OSBPL9: variants seen among roughly 807,000 people sequenced by gnomAD.
The protein encoded by OSBPL9 is oxysterol-binding protein-related protein 9.
In OSBPL9, 40 loss-of-function variants were observed where a neutral mutation model predicts 106.6. The observed-to-expected ratio is 0.38, with a 90% CI of 0.29 to 0.49. The LOEUF (loss-of-function observed/expected upper bound fraction) is 0.49, where lower values mean the gene tolerates loss of function less well. Ranked by LOEUF, OSBPL9 falls within the 20% of genes least tolerant of loss-of-function variation. OSBPL9 has a pLI of 0.97. For missense variants in OSBPL9, 609 were observed against 887.2 expected (o/e 0.69, Z 3.98); for synonymous variants, 269 against 295.4 (o/e 0.91, Z 0.92).
At chr1:51,713,363 T>C (rs1244528370) in intron 3 of OSBPL9, among the ~76,000 whole-genome samples, 1 of 152,122 alleles carries the variant, frequency 6.6e-6, no homozygotes, top group Non-Finnish European at 1.5e-5. Flanking sequence ...TTGGCCAGGC[T>C]GGTCTTGAAC....
chr1:51,675,029 G>T (rs1461196669), intron 3 of OSBPL9, among the ~76,000 whole-genome samples: 1 of 152,226 alleles, frequency 6.6e-6, no homozygotes, highest in Non-Finnish European at 1.5e-5. Context: ...AAGCTTGCAG[G>T]TTTATAGCCT....
intron 21 of OSBPL9, chr1:51,786,209 T>C (rs1243635731): frequency 4.5e-6 from 2 of 443,450 alleles, no homozygotes; most frequent in Non-Finnish European, 8.0e-6. Flanking sequence ...TGGCGTATGT[T>C]TATAAAATGA....
chr1:51,535,483 A>C, the OSBPL9 span, among the ~76,000 whole-genome samples: 1 of 152,112 alleles, frequency 6.6e-6, no homozygotes. Context: ...TCCCATTCAC[A>C]GTGAAATTTT....
the OSBPL9 span, among the ~76,000 whole-genome samples, chr1:51,547,188 C>G: frequency 3.1e-4 from 47 of 152,268 alleles, no homozygotes; most frequent in African/African-American, 1.1e-3. Context: ...CATAGGGGTT[C>G]TGCATTAAAA....
chr1:51,781,095 G>T, intron 15 of OSBPL9, 69 bp from the exon 16 acceptor site: 1 of 1,484,044 alleles, frequency 6.7e-7, no homozygotes, highest in Non-Finnish European at 9.3e-7. Flanking sequence ...GGACCATGCT[G>T]GGGGTTGTTG....
chr1:51,598,667 G>A (rs1454683621), intron 2 of OSBPL9, among the ~76,000 whole-genome samples: 1 of 152,194 alleles, frequency 6.6e-6, no homozygotes. Flanking sequence ...GGGAATGGCT[G>A]CTCTAGGCAC....
At chr1:51,724,486 A>G (rs1417937513) in intron 4 of OSBPL9, among the ~76,000 whole-genome samples, 4 of 151,806 alleles carry the variant, frequency 2.6e-5, no homozygotes, top group Non-Finnish European at 5.9e-5. Context: ...GGGTTCCACC[A>G]TGTTGGCCAG....
intron 22 of OSBPL9, 32 bp downstream of exon 22, chr1:51,786,649 T>G: frequency 6.4e-7 from 1 of 1,568,040 alleles, no homozygotes; most frequent in African/African-American, 1.4e-5. Flanking sequence ...GAACTATTGC[T>G]GCAGTGCTTA....
At chr1:51,698,480 A>G (rs1571155603) in intron 3 of OSBPL9, among the ~76,000 whole-genome samples, 2 of 150,872 alleles carry the variant, frequency 1.3e-5, no homozygotes, top group East Asian at 4.8e-4. Context: ...GTATGTACAC[A>G]TATGTACACA....
At chr1:51,580,702 G>C (rs1168582369) in intron 1 of OSBPL9, among the ~76,000 whole-genome samples, 1 of 151,398 alleles carries the variant, frequency 6.6e-6, no homozygotes, top group East Asian at 1.9e-4. Context: ...ACAATCTAAT[G>C]GGAGAGGCAG....
At chr1:51,645,392 C>A (rs186530246) in intron 1 of OSBPL9, among the ~76,000 whole-genome samples, 3 of 151,994 alleles carry the variant, frequency 2.0e-5, no homozygotes, top group African/African-American at 7.2e-5. Context: ...CGATACTATA[C>A]CCCTACCCAG....
chr1:51,712,907 C>T (rs1232546032), intron 3 of OSBPL9, among the ~76,000 whole-genome samples: 3 of 152,156 alleles, frequency 2.0e-5, no homozygotes, highest in Admixed American at 6.5e-5. Flanking sequence ...AGATGCCTGG[C>T]GTCACTAAAA....
At chr1:51,769,293 A>G (rs750731784) in intron 12 of OSBPL9, among the ~76,000 whole-genome samples, 3 of 152,178 alleles carry the variant, frequency 2.0e-5, no homozygotes, top group Non-Finnish European at 4.4e-5. Context: ...TTCTTTTTCT[A>G]AAGACCTATA....
chr1:51,784,771 C>A, intron 20 of OSBPL9, 189 bp downstream of exon 20: 1 of 668,082 alleles, frequency 1.5e-6, no homozygotes, highest in Non-Finnish European at 2.4e-6. Context: ...ATATTCAGAG[C>A]AGTCAGAGGT....
chr1:51,534,378 A>G, the OSBPL9 span, among the ~76,000 whole-genome samples: 2 of 152,138 alleles, frequency 1.3e-5, no homozygotes, highest in African/African-American at 4.8e-5. Flanking sequence ...TATGGCAATG[A>G]TAATGTTGTT....
At chr1:51,593,902 T>G (rs532583325) in intron 1 of OSBPL9, among the ~76,000 whole-genome samples, 128 of 95,790 alleles carry the variant, frequency 1.3e-3, no homozygotes, top group African/African-American at 5.2e-3. Context: ...ATTAATCAGA[T>G]TTCACACACA....
intron 2 of OSBPL9, among the ~76,000 whole-genome samples, chr1:51,605,510 C>G (rs1643940118): frequency 6.6e-6 from 1 of 151,968 alleles, no homozygotes; most frequent in Non-Finnish European, 1.5e-5. Context: ...TAGGTATTTT[C>G]CAGACATAGA....
chr1:51,784,628 A>T (rs780487253), intron 20 of OSBPL9, 46 bp downstream of exon 20: 11 of 1,588,750 alleles, frequency 6.9e-6, no homozygotes, highest in Middle Eastern at 1.7e-4. Flanking sequence ...TTCTGAAATA[A>T]CTGCCTTTTG....
intron 12 of OSBPL9, among the ~76,000 whole-genome samples, chr1:51,766,414 T>C (rs557500013): frequency 6.6e-6 from 1 of 152,306 alleles, no homozygotes; most frequent in East Asian, 1.9e-4. Flanking sequence ...TCAACACCTA[T>C]CAGCCAGGCA....
Sources: gnomAD v4.1 joint callset for allele counts (sites outside exome capture counted in the v4.1 genomes callset) on GRCh38, gnomAD v4.1.1 for gene constraint, MANE v1.5 for transcripts, NCBI Gene and HGNC (gene_info 2026-07-23, HGNC 2026-07-21) for gene names.